Variants in NFIA observed in about 807,000 individuals in gnomAD.
NFIA encodes the protein nuclear factor I A.
In NFIA, 8 loss-of-function variants were observed where a neutral mutation model predicts 62.8. That is an observed-to-expected ratio of 0.13 (90% confidence interval 0.07 to 0.23). NFIA has a LOEUF of 0.23. Among genes scored for constraint, NFIA ranks in the 10% least tolerant of loss-of-function variants. NFIA has a pLI of 1.00. For synonymous variants in NFIA, 235 were observed against 238.1 expected (o/e 0.99, Z 0.12); for missense variants, 410 against 642.1 (o/e 0.64, Z 3.91).
Position 61,368,056 on chromosome 1 carries a change from C to A in NFIA, c.946+8782C>A, listed in dbSNP as rs182305478. Among the ~76,000 whole-genome samples the A allele has an allele frequency of 1.8e-4, 27 of 152,260 alleles. No homozygotes were observed. The East Asian group carries it at 4.8e-3, about 27-fold the overall frequency. On this transcript the variant is annotated intron_variant, in intron 6 of 10. Coordinates refer to ENST00000403491, the MANE Select transcript of NFIA (RefSeq NM_001134673.4). The stretch of plus-strand genomic sequence containing the variant: ...CGTTGCTCCGCTTGCATCGGAGAAC[C>A]CAGATGTACAATTTTGTGAATGCAG...
chr1:61,351,330 C>T lies in NFIA; in HGVS notation c.701-1120C>T, dbSNP rs942880830. Among the ~76,000 whole-genome samples, 7 of 152,306 alleles carry T rather than the reference C, an allele frequency of 4.6e-5. No individual in the cohort carries two copies. In the South Asian group the frequency reaches 1.5e-3, roughly 32 times the overall value. On this transcript the variant is annotated intron_variant, in intron 4 of 10. Coordinates refer to ENST00000403491, the MANE Select transcript of NFIA (RefSeq NM_001134673.4). ...CTTCCTCACTCATCATAGTTCTTGG[C>T]AGTAGCAGGCTCTCAGTAAGCATTC... is the stretch of plus-strand genomic sequence containing the variant.
At chr1:61,154,658 C>G (rs1360255965) in intron 2 of NFIA, among the ~76,000 whole-genome samples, 1 of 152,156 alleles carries the variant, frequency 6.6e-6, no homozygotes, top group Non-Finnish European at 1.5e-5. Flanking sequence ...TGCCATGTTG[C>G]CCAGACTGGT....
Position 61,431,347 on chromosome 1 carries a change from A to G in NFIA, c.1512+4791A>G, listed in dbSNP as rs553015070. On this transcript the variant is annotated intron_variant, in intron 10 of 10. Transcript: ENST00000403491. ...AGGTTCTAGTTTAATCAAAAGGTTT[A>G]AATAAAATGCTTAATCTACAGAACT... Among the ~76,000 whole-genome samples, 4 of 152,382 alleles carry G rather than the reference A, an allele frequency of 2.6e-5. No individual in the cohort carries two copies. In the East Asian group the frequency reaches 7.7e-4, roughly 29 times the overall value.
At chr1:61,190,911 T>TACCA (rs1651569496) in intron 2 of NFIA, among the ~76,000 whole-genome samples, 1 of 152,208 alleles carries the variant, frequency 6.6e-6, no homozygotes, top group South Asian at 2.1e-4. Context: ...TAAATTGAGG[T>TACCA]TTGTAGTTTT....
At chr1:61,261,790 T>C (rs1467441129) in intron 2 of NFIA, among the ~76,000 whole-genome samples, 2 of 152,180 alleles carry the variant, frequency 1.3e-5, no homozygotes, top group African/African-American at 4.8e-5. Flanking sequence ...ACAACAAAAC[T>C]AATTAGTGGA....
At chr1:61,159,360 AC>A (rs1323254374) in intron 2 of NFIA, among the ~76,000 whole-genome samples, 1 of 152,124 alleles carries the variant, frequency 6.6e-6, no homozygotes, top group African/African-American at 2.4e-5. Context: ...AGGCCTATCT[AC>A]CCCAATGCTT....
Position 61,457,569 on chromosome 1 carries a change from T to C in NFIA, c.*2249T>C, listed in dbSNP as rs1668362730. ...GTCTTCCTTTATTTTCCCCCAGATATATGAAAATATGCAATACCTGCTTAT... is the reference window on the plus strand; with the variant it reads ...GTCTTCCTTTATTTTCCCCCAGATACATGAAAATATGCAATACCTGCTTAT... On this transcript the variant is annotated 3_prime_UTR_variant, in exon 11 of 11. Transcript: ENST00000403491. The surrounding 1 kb of genome is among the most constrained non-coding windows in gnomAD (Gnocchi z 4.2). 6.6e-6 allele frequency: 1 copy of C among 152,222 alleles called. No individual in the cohort carries two copies. The highest frequency in any genetic ancestry group is 2.1e-4 in the South Asian group (1 of 4,832). 9.4% of individuals were successfully genotyped at this position (152,222 alleles called of 1,614,324 possible).
At chr1:61,215,428 T>C (rs1653552452) in intron 2 of NFIA, among the ~76,000 whole-genome samples, 3 of 152,036 alleles carry the variant, frequency 2.0e-5, no homozygotes, top group South Asian at 4.2e-4. Context: ...ATCATTACTT[T>C]ATTAGGAGAT....
intron 2 of NFIA, among the ~76,000 whole-genome samples, chr1:61,145,328 AAAC>A (rs1352309106): frequency 6.6e-6 from 1 of 152,202 alleles, no homozygotes; most frequent in Admixed American, 6.5e-5. Flanking sequence ...TTCATGGCTA[AAAC>A]AAAGTGCAAT....
chr1:61,137,649 C>T (rs192293208), intron 2 of NFIA, among the ~76,000 whole-genome samples: 2 of 152,242 alleles, frequency 1.3e-5, no homozygotes, highest in African/African-American at 4.8e-5. Flanking sequence ...TGGGCGTTAG[C>T]ATTTTTTAAA....
intron 3 of NFIA, among the ~76,000 whole-genome samples, chr1:61,329,049 CTTTTTTTT>C (rs369972455): frequency 8.2e-6 from 1 of 122,444 alleles, no homozygotes; most frequent in Non-Finnish European, 1.7e-5. Context: ...TTCTTTTTTT[CTTTTTTTT>C]TTTTTTTTGA....
intron 2 of NFIA, among the ~76,000 whole-genome samples, chr1:61,153,956 A>C (rs1409536582): frequency 6.6e-6 from 1 of 152,142 alleles, no homozygotes; most frequent in African/African-American, 2.4e-5. Flanking sequence ...TTCTCCCTTT[A>C]GTCAAGAGTA....
At chr1:61,226,214 G>A (rs1371888160) in intron 2 of NFIA, among the ~76,000 whole-genome samples, 2 of 152,174 alleles carry the variant, frequency 1.3e-5, no homozygotes, top group African/African-American at 4.8e-5. Context: ...TGCTGTCGAC[G>A]TTAAGCAGCC....
intron 4 of NFIA, among the ~76,000 whole-genome samples, chr1:61,340,834 A>G (rs1661859233): frequency 6.6e-6 from 1 of 152,194 alleles, no homozygotes; most frequent in African/African-American, 2.4e-5. Flanking sequence ...GAGCATGCCA[A>G]TAGTAGACCT....
At chr1:61,187,530 G>A (rs1163857799) in intron 2 of NFIA, among the ~76,000 whole-genome samples, 4 of 152,176 alleles carry the variant, frequency 2.6e-5, no homozygotes, top group Admixed American at 1.3e-4. Flanking sequence ...GATGCGCTCC[G>A]TTTAGACTCA....
intron 2 of NFIA, among the ~76,000 whole-genome samples, chr1:61,235,058 T>A (rs1654909172): frequency 6.6e-6 from 1 of 152,214 alleles, no homozygotes; most frequent in Non-Finnish European, 1.5e-5. Context: ...AAAGAAGCTA[T>A]TCCCACAAAA....
At chr1:61,192,545 C>CA (rs71732869) in intron 2 of NFIA, among the ~76,000 whole-genome samples, 38 of 150,718 alleles carry the variant, frequency 2.5e-4, no homozygotes, top group Non-Finnish European at 2.1e-4. Context: ...ACTAAAAATA[C>CA]AAAAAAAATT....
In NFIA at chr1:61,455,648, C is replaced by A; in HGVS notation, c.*328C>A. On this transcript the variant is annotated 3_prime_UTR_variant, in exon 11 of 11. Coordinates refer to ENST00000403491, the MANE Select transcript of NFIA (RefSeq NM_001134673.4). ...GTGACGTGGCTAGCGGAGGACTACC[C>A]TTGCTCACTGACTTCCTGTTGTAAC... 5.0e-6 allele frequency: 2 copies of A among 398,612 alleles called. No homozygotes were observed. Among genetic ancestry groups the A allele is most frequent in the East Asian group, 4.3e-5 (1 of 23,290 alleles). 24.7% of individuals were successfully genotyped at this position (398,612 alleles called of 1,614,324 possible). A position where few individuals can be genotyped will look rare whatever the true frequency, so the allele number is the denominator to read the frequency against.
intron 6 of NFIA, among the ~76,000 whole-genome samples, chr1:61,372,865 CTT>C (rs952242144): frequency 3.3e-5 from 5 of 152,058 alleles, no homozygotes; most frequent in African/African-American, 9.7e-5. Flanking sequence ...AGGCACAACT[CTT>C]TCAGAGAAAG....
Sources: allele counts gnomAD v4.1 joint callset (sites outside exome capture counted in the v4.1 genomes callset), GRCh38; gene constraint gnomAD v4.1.1; non-coding constraint Gnocchi (gnomAD v3.1); transcripts MANE v1.5; gene names NCBI Gene and HGNC (gene_info 2026-07-23, HGNC 2026-07-21).